HR: variants seen among roughly 807,000 people sequenced by gnomAD.
HR encodes HR lysine demethylase and nuclear receptor corepressor.
HR carries 83 observed loss-of-function variants against 128.6 expected under a neutral mutation model. That is an observed-to-expected ratio of 0.65 (90% CI 0.54 to 0.77). The LOEUF (loss-of-function observed/expected upper bound fraction) is 0.77, where lower values mean the gene tolerates loss of function less well. HR is among the 30% of genes least tolerant of loss of function. The pLI is 0.00. For missense variants in HR, 1,490 were observed against 1,574.6 expected (o/e 0.95, Z 0.91); for synonymous variants, 681 against 658.2 (o/e 1.03, Z -0.53).
intron 16 of HR, chr8:22,118,061 G>C (rs1437159795): frequency 6.6e-6 from 1 of 152,378 alleles, no homozygotes; most frequent in African/African-American, 2.4e-5. Context: ...TCTGTGTGTG[G>C]AGGTGTGCTT....
Position 22,120,754 on chromosome 8 carries a change from C to A in HR, c.2572G>T (p.Gly858Cys). ...LQEPQPCPRR[G>C]FHLFQEHWRQ... Reference sequence around the variant, plus strand: ...CAGTGCTCCTGGAAGAGGTGGAAGCCACGCCGAGGGCAAGGCTGGGGCTCC... The same window carrying A: ...CAGTGCTCCTGGAAGAGGTGGAAGCAACGCCGAGGGCAAGGCTGGGGCTCC... Residue 858 changes from glycine to cysteine, a missense_variant, in exon 11 of 19, where the codon GGC becomes TGC. Physicochemically the swap from Gly to Cys is radical, Grantham distance 159. Transcript: ENST00000381418. 6.6e-7 allele frequency: 1 copy of A among 1,514,682 alleles called. No homozygotes were observed. The highest frequency in any genetic ancestry group is 1.2e-5 in the South Asian group (1 of 80,150). The allele number at this position is 1,514,682 out of a possible 1,614,324, so 93.8% of individuals were successfully genotyped here.
In HR at chr8:22,127,259, G is replaced by A. The variant is rs201554435; in HGVS notation, c.1183C>T (p.Arg395Cys). The change falls in exon 3 of 19, where the codon CGC becomes TGC. Residue 395 changes from arginine (R) to cysteine (C), a missense_variant. Arg to Cys is a radical substitution (Grantham distance 180, BLOSUM62 -3). Transcript: ENST00000381418. ...TRHSEQFECPRGCPEVEERPV... is the reference protein window; with the variant it reads ...TRHSEQFECPCGCPEVEERPV... The stretch of plus-strand genomic sequence containing the variant: ...CTCTCCTCGACCTCAGGGCAGCCGC[G>A]TGGACATTCAAACTGCTCCGAGTGC... 4.2e-5 allele frequency: 67 copies of A among 1,613,176 alleles called. 1 individual carries two copies. In the East Asian group the frequency reaches 1.3e-3, roughly 31 times the overall value.
chr8:22,122,228 G>T (rs1826771403), intron 8 of HR, among the ~76,000 whole-genome samples: 1 of 152,196 alleles, frequency 6.6e-6, no homozygotes. Flanking sequence ...CCTCTAGCAT[G>T]ATGTGGCAAG....
rs1368628812 is a variant in HR, at chr8:22,119,297, G to C, written c.2978-14C>G. 6.2e-7 allele frequency: 1 copy of C among 1,613,232 alleles called. No individual in the cohort carries two copies. Among genetic ancestry groups the C allele is most frequent in the East Asian group, 2.2e-5 (1 of 44,884 alleles). ...GCGGGCTCACACCTGCATGGCAATA[G>C]AGAAAGAACAGTTAGAAATGGAATC... On this transcript the variant is annotated splice_polypyrimidine_tract_variant and intron_variant, in intron 14 of 18. Coordinates refer to ENST00000381418, the MANE Select transcript of HR (RefSeq NM_005144.5).
chr8:22,119,034 G>A lies in HR; in HGVS notation c.3129C>T (p.Leu1043=). 3 of 1,613,304 alleles carry A rather than the reference G, an allele frequency of 1.9e-6. No homozygotes were observed. Among genetic ancestry groups the A allele is most frequent in the Non-Finnish European group, 2.5e-6 (3 of 1,179,934 alleles). ...TGCTGACCTGGCTGCCCGGAGACCA[G>A]AGCCCCTCCCCGTCCAGGCCTGAAA... ...DFLSGLDGEG[L]WSPGSQVSTV... The change falls in exon 16 of 19, where the codon CTC becomes CTT. Residue 1043 remains leucine (L), a synonymous_variant. Transcript: ENST00000381418.
Position 22,121,059 on chromosome 8 carries a change from A to G in HR, c.2367+6T>C. On this transcript the variant is annotated splice_donor_region_variant and intron_variant, in intron 10 of 18. Coordinates refer to ENST00000381418, the MANE Select transcript of HR (RefSeq NM_005144.5). ...CTCCTAGCCCTCCCTCCGTGCCCTCACTCACACTGGGCAGGGCCGGAGTGA... is the reference window on the plus strand; with the variant it reads ...CTCCTAGCCCTCCCTCCGTGCCCTCGCTCACACTGGGCAGGGCCGGAGTGA... 1.2e-6 allele frequency: 2 copies of G among 1,613,482 alleles called. No individual in the cohort carries two copies. Among genetic ancestry groups the G allele is most frequent in the East Asian group, 2.2e-5 (1 of 44,876 alleles).
Position 22,128,045 on chromosome 8 carries a change from A to G in HR, c.613-216T>C, listed in dbSNP as rs1826946837. Reference sequence around the variant, plus strand: ...GATTTCTCAGACGTCCCCACAAGGAAGTCTAAGAACTAAAGAGTGAATGCC... The same window carrying G: ...GATTTCTCAGACGTCCCCACAAGGAGGTCTAAGAACTAAAGAGTGAATGCC... On this transcript the variant is annotated intron_variant, in intron 2 of 18. Coordinates refer to ENST00000381418, the MANE Select transcript of HR (RefSeq NM_005144.5). 3 of 635,498 alleles carry G rather than the reference A, an allele frequency of 4.7e-6. No homozygotes were observed. In the South Asian group the frequency reaches 5.5e-5, roughly 12 times the overall value. The allele number at this position is 635,498 out of a possible 1,614,324, so 39.4% of individuals were successfully genotyped here. A position where few individuals can be genotyped will look rare whatever the true frequency, so the allele number is the denominator to read the frequency against.
chr8:22,122,710 G>C lies in HR; in HGVS notation c.2005+80C>G, dbSNP rs528201496. The C allele has an allele frequency of 2.9e-5, 43 of 1,488,150 alleles. No individual in the cohort carries two copies. The East Asian group carries it at 9.6e-4, about 33-fold the overall frequency. 92.2% of individuals were successfully genotyped at this position (1,488,150 alleles called of 1,614,324 possible). ...TGCCAAGCAGAAGGGCATGGCACTG[G>C]GGGGAGGGACAATCAGACGGGAAGC... is the stretch of plus-strand genomic sequence containing the variant. On this transcript the variant is annotated intron_variant, in intron 7 of 18. Coordinates refer to ENST00000381418, the MANE Select transcript of HR (RefSeq NM_005144.5).
chr8:22,116,484 C>A lies in HR; in HGVS notation c.3379-56G>T. 6.3e-7 allele frequency: 1 copy of A among 1,585,578 alleles called. No individual in the cohort carries two copies. The highest frequency in any genetic ancestry group is 2.3e-5 in the East Asian group (1 of 43,126). On this transcript the variant is annotated intron_variant, in intron 17 of 18. Coordinates refer to ENST00000381418, the MANE Select transcript of HR (RefSeq NM_005144.5). The surrounding 1 kb of genome is among the most constrained non-coding windows in gnomAD (Gnocchi z 4.2). ...CAAGATCACACATCCTCTCCCTGTC[C>A]CCCTGGTCCCTGAGGTTCGCTTCCT...
chr8:22,115,569 G>T lies in HR; in HGVS notation c.*131C>A, dbSNP rs1220101158. 6 of 789,688 alleles carry T rather than the reference G, an allele frequency of 7.6e-6. No homozygotes were observed. The highest frequency in any genetic ancestry group is 1.7e-5 in the African/African-American group (1 of 58,680). 48.9% of individuals were successfully genotyped at this position (789,688 alleles called of 1,614,324 possible). On this transcript the variant is annotated 3_prime_UTR_variant, in exon 19 of 19. Transcript: ENST00000381418. ...GAGGGGAACAGAGTGCCCTGCTTGT[G>T]CCCAGAGTGGTGCTTGTGGGGTTGA...
At chr8:22,117,106 A>G in intron 16 of HR, 67 bp from the exon 17 acceptor site, 2 of 1,411,486 alleles carry the variant, frequency 1.4e-6, no homozygotes, top group Non-Finnish European at 1.9e-6. Flanking sequence ...AGGATGGGGC[A>G]TGGACTTTCC....
At chr8:22,130,060 G>A (rs1827010281) in intron 1 of HR, among the ~76,000 whole-genome samples, 1 of 152,244 alleles carries the variant, frequency 6.6e-6, no homozygotes, top group South Asian at 2.1e-4. Context: ...GGGGAGGGGA[G>A]AGGGAAGGAG....
chr8:22,127,839 G>A lies in HR; in HGVS notation c.613-10C>T. On this transcript the variant is annotated splice_polypyrimidine_tract_variant and intron_variant, in intron 2 of 18. Transcript: ENST00000381418. ...CCTTGTAGTAAAAGCCCTAAAGAGGGGAGAAAGTGTTACGCTTCAGCTGAC... is the reference window on the plus strand; with the variant it reads ...CCTTGTAGTAAAAGCCCTAAAGAGGAGAGAAAGTGTTACGCTTCAGCTGAC... 6.3e-7 allele frequency: 1 copy of A among 1,598,410 alleles called. No individual in the cohort carries two copies. The highest frequency in any genetic ancestry group is 8.5e-7 in the Non-Finnish European group (1 of 1,179,892).
In HR at chr8:22,116,024, A is replaced by C. The variant is rs1826575936; in HGVS notation, c.3508-262T>G. Among the ~76,000 whole-genome samples the C allele has an allele frequency of 6.6e-6, 1 of 152,162 alleles. No homozygotes were observed. Among genetic ancestry groups the C allele is most frequent in the Non-Finnish European group, 1.5e-5 (1 of 68,022 alleles). ...GTGGTGGGCGCCTGTAGTCCCAGCT[A>C]CTTGGGAGGCTGAGGCAGGAGAATC... is the stretch of plus-strand genomic sequence containing the variant. On this transcript the variant is annotated intron_variant, in intron 18 of 18. Transcript: ENST00000381418. The surrounding 1 kb of genome is among the most constrained non-coding windows in gnomAD (Gnocchi z 4.2).
In HR at chr8:22,128,867, C is replaced by CTT; in HGVS notation, c.303_304insAA (p.Ala102LysfsTer22). 6.2e-7 allele frequency: 1 copy of CTT among 1,613,408 alleles called. No individual in the cohort carries two copies. The highest frequency in any genetic ancestry group is 8.5e-7 in the Non-Finnish European group (1 of 1,180,024). ...AATGCCAGCGGATGGGTAAGCATGG[C>CTT]CTCCTTCCAGCGCAGTCCCTCTTTG... is the stretch of plus-strand genomic sequence containing the variant. On this transcript the variant is annotated frameshift_variant, in exon 2 of 19. Coordinates refer to ENST00000381418, the MANE Select transcript of HR (RefSeq NM_005144.5). LOFTEE classifies it high-confidence loss of function.
At chr8:22,121,801 A>C in intron 8 of HR, 107 bp from the exon 9 acceptor site, 1 of 1,191,186 alleles carries the variant, frequency 8.4e-7, no homozygotes, top group Non-Finnish European at 1.2e-6. Context: ...GTCAGTCCTA[A>C]AATCGTGTTT....
At chr8:22,123,842 A>G (rs774719636) in intron 5 of HR, 29 bp from the exon 6 acceptor site, 3 of 1,582,846 alleles carry the variant, frequency 1.9e-6, no homozygotes, top group Non-Finnish European at 2.6e-6. Flanking sequence ...ACAGGGTCAG[A>G]GGGTGAAGGC....
intron 9 of HR, 141 bp from the exon 10 acceptor site, chr8:22,121,369 CTGGGTCTCCCCGCTCTACTGCTT>C (rs1379789579): frequency 1.7e-6 from 2 of 1,159,242 alleles, no homozygotes; most frequent in Non-Finnish European, 2.5e-6. Flanking sequence ...CAGCTCTGCT[CTGGGTCTCCCCGCTCTACTGCTT>C]TTCCTGCAGG....
At position 22,129,301 on chromosome 8, in the gene HR, C is replaced by G. The variant is rs936823922; in HGVS notation, c.-40-91G>C. The G allele has an allele frequency of 6.2e-6, 7 of 1,135,864 alleles. No homozygotes were observed. The African/African-American group carries it at 1.1e-4, about 18-fold the overall frequency. 70.4% of individuals were successfully genotyped at this position (1,135,864 alleles called of 1,614,324 possible). A position where few individuals can be genotyped will look rare whatever the true frequency, so the allele number is the denominator to read the frequency against. ...CAGAGTGGGCACCGCCCTGGCAACA[C>G]TGAGGCAGCTCAAACCAGTAAGGCA... On this transcript the variant is annotated intron_variant, in intron 1 of 18. Coordinates refer to ENST00000381418, the MANE Select transcript of HR (RefSeq NM_005144.5).
Sources: gnomAD v4.1 joint callset for allele counts (sites outside exome capture counted in the v4.1 genomes callset) on GRCh38, gnomAD v4.1.1 for gene constraint, Gnocchi (gnomAD v3.1) non-coding constraint, MANE v1.5 for transcripts, NCBI Gene and HGNC (gene_info 2026-07-23, HGNC 2026-07-21) for gene names.